Variants in ELAPOR2 observed in about 807,000 individuals in gnomAD.
ELAPOR2 encodes the protein endosome/lysosome-associated apoptosis and autophagy regulator family member 2.
Under a neutral mutation model 120.7 loss-of-function variants are expected in ELAPOR2, and 89 were observed. The ratio of observed to expected loss-of-function variants is 0.74; its 90% CI spans 0.62 to 0.88. ELAPOR2 has a LOEUF of 0.88. Among genes scored for constraint, ELAPOR2 ranks in the 40% least tolerant of loss-of-function variants. The probability of loss-of-function intolerance (pLI) is 0.00; values close to 1 mark genes in which losing one functional copy is unlikely to be tolerated. For missense variants in ELAPOR2, 1,134 were observed against 1,251.6 expected, an observed-to-expected ratio of 0.91 and a Z score of 1.42; for synonymous variants, 444 against 444.9, an observed-to-expected ratio of 1.00 and a Z score of 0.03.
chr7:87,003,523 G>T (rs1301171317), intron 1 of ELAPOR2, among the ~76,000 whole-genome samples: 2 of 152,152 alleles, frequency 1.3e-5, no homozygotes, highest in Non-Finnish European at 2.9e-5. Flanking sequence ...TGCTGGCCAT[G>T]TGAAGATGTG....
chr7:86,951,400 AAG>A (rs1274036581), intron 2 of ELAPOR2, among the ~76,000 whole-genome samples: 1 of 152,264 alleles, frequency 6.6e-6, no homozygotes, highest in Non-Finnish European at 1.5e-5. Context: ...AAATATAAAA[AAG>A]AGAAGAATTG....
intron 1 of ELAPOR2, among the ~76,000 whole-genome samples, chr7:87,054,297 G>C (rs971274318): frequency 6.6e-6 from 1 of 152,178 alleles, no homozygotes; most frequent in African/African-American, 2.4e-5. Flanking sequence ...ACTATGCTCT[G>C]CTATTTCCAT....
intron 18 of ELAPOR2, among the ~76,000 whole-genome samples, chr7:86,900,222 T>C (rs1412713785): frequency 1.3e-5 from 2 of 151,240 alleles, no homozygotes; most frequent in African/African-American, 4.9e-5. Flanking sequence ...AAAAATGAAC[T>C]CAATAAATGA....
At position 86,934,686 on chromosome 7, in the gene ELAPOR2, T is replaced by C. The variant is rs183670277; in HGVS notation, c.1089+3440A>G. ...GCAAACTTTTACCCAACCCCAAGGC[T>C]TTAATTGCCAGCTATTTGCTATAAT... is the stretch of plus-strand genomic sequence containing the variant. On this transcript the variant is annotated intron_variant, in intron 8 of 21. Transcript: ENST00000450689. 5.9e-5 allele frequency among the ~76,000 whole-genome samples: 9 copies of C among 152,022 alleles called. No individual in the cohort carries two copies. The East Asian group carries it at 1.7e-3, about 29-fold the overall frequency.
At chr7:86,880,851 G>A (rs1173318329) in intron 21 of ELAPOR2, among the ~76,000 whole-genome samples, 1 of 151,588 alleles carries the variant, frequency 6.6e-6, no homozygotes, top group Non-Finnish European at 1.5e-5. Context: ...TACCTGACCT[G>A]AGTGCTGAAA....
At chr7:86,990,077 T>C (rs1635032) in intron 1 of ELAPOR2, among the ~76,000 whole-genome samples, 57,252 of 151,452 alleles carry the variant, frequency 0.38, 11,664 homozygotes, top group African/African-American at 0.53. Context: ...GACAGAGTCT[T>C]GCTCTGTCCC....
intron 6 of ELAPOR2, 97 bp downstream of exon 6, chr7:86,939,910 TCTA>T: frequency 1.6e-6 from 1 of 616,698 alleles, no homozygotes; most frequent in Non-Finnish European, 2.7e-6. Flanking sequence ...TAATTTCTGT[TCTA>T]TAAATCTTTG....
At chr7:86,939,531 T>C (rs1188047527) in intron 6 of ELAPOR2, among the ~76,000 whole-genome samples, 5 of 152,096 alleles carry the variant, frequency 3.3e-5, no homozygotes, top group Admixed American at 2.6e-4. Flanking sequence ...GAATGAACCA[T>C]GCCAGGGTTC....
At chr7:86,939,597 G>A (rs537968368) in intron 6 of ELAPOR2, among the ~76,000 whole-genome samples, 21 of 152,218 alleles carry the variant, frequency 1.4e-4, no homozygotes, top group African/African-American at 5.1e-4. Context: ...AGCATAAAAG[G>A]TTTAGGAAAG....
At chr7:86,911,169 C>T (rs1789291047) in intron 15 of ELAPOR2, among the ~76,000 whole-genome samples, 1 of 152,126 alleles carries the variant, frequency 6.6e-6, no homozygotes, top group Admixed American at 6.6e-5. Context: ...ATCTTATTCA[C>T]TGCTTCCCAC....
chr7:86,894,553 TA>T (rs1175535741), intron 19 of ELAPOR2, among the ~76,000 whole-genome samples: 3 of 150,968 alleles, frequency 2.0e-5, no homozygotes, highest in South Asian at 4.2e-4. Flanking sequence ...ACTTCAAAAT[TA>T]AAAAAAAATA....
At position 86,913,152 on chromosome 7, in the gene ELAPOR2, T is replaced by C; in HGVS notation, c.1784A>G (p.Asn595Ser). 6.2e-7 allele frequency: 1 copy of C among 1,613,990 alleles called. No homozygotes were observed. Among genetic ancestry groups the C allele is most frequent in the South Asian group, 1.1e-5 (1 of 91,078 alleles). ...TGAGGACGCCACCCCATCAACTGCA[T>C]TAGTGGCTGTGATAGAATAAATCTT... ...MVKIYSITAT[N>S]AVDGVASSCR... Residue 595 changes from asparagine (N) to serine (S), a missense_variant, in exon 14 of 22, where the codon AAT (asparagine) becomes AGT (serine). By Grantham distance (46) the Asn-to-Ser change is conservative. Around this residue, in one of 3 missense-constraint regions of ELAPOR2, gnomAD observed 831 missense variants for 867.6 expected, o/e 0.96. Transcript: ENST00000450689.
intron 1 of ELAPOR2, among the ~76,000 whole-genome samples, chr7:87,021,884 A>G (rs1794051230): frequency 6.6e-6 from 1 of 152,182 alleles, no homozygotes; most frequent in Non-Finnish European, 1.5e-5. Flanking sequence ...TTTTAAATGT[A>G]CAGATTAAAA....
At chr7:86,991,056 T>C (rs1413457916) in intron 1 of ELAPOR2, among the ~76,000 whole-genome samples, 3 of 152,222 alleles carry the variant, frequency 2.0e-5, no homozygotes, top group African/African-American at 7.2e-5. Context: ...TGTTTATTAA[T>C]CTATCATTGT....
rs1451892750 is a variant in ELAPOR2, at chr7:86,909,973, T to C, written c.2198A>G (p.Asn733Ser). 5 of 1,612,028 alleles carry C rather than the reference T, an allele frequency of 3.1e-6. No individual in the cohort carries two copies. The highest frequency in any genetic ancestry group is 3.3e-5 in the Admixed American group (2 of 59,794). ...EGKKMALCTN[N>S]ITDFTVKEIV... ...TTCTTTTACTGTAAAGTCTGTTATATTGTTGGTACAGAGAGCCATCTTCTT... is the reference window on the plus strand; with the variant it reads ...TTCTTTTACTGTAAAGTCTGTTATACTGTTGGTACAGAGAGCCATCTTCTT... Residue 733 changes from asparagine (N) to serine (S), a missense_variant, in exon 16 of 22, where the codon AAT (asparagine) becomes AGT (serine). Coordinates refer to ENST00000450689, the MANE Select transcript of ELAPOR2 (RefSeq NM_001142749.3).
At chr7:87,053,665 G>A (rs993598901) in intron 1 of ELAPOR2, among the ~76,000 whole-genome samples, 1 of 152,172 alleles carries the variant, frequency 6.6e-6, no homozygotes, top group African/African-American at 2.4e-5. Context: ...ATGTGTCAGA[G>A]AGTAAACAAT....
chr7:87,016,679 A>T (rs971205294), intron 1 of ELAPOR2, among the ~76,000 whole-genome samples: 1 of 148,282 alleles, frequency 6.7e-6, no homozygotes, highest in Non-Finnish European at 1.5e-5. Context: ...ATATATATAT[A>T]ATATATAATA....
At chr7:86,905,158 AAG>A (rs751244019) in intron 18 of ELAPOR2, among the ~76,000 whole-genome samples, 9 of 149,224 alleles carry the variant, frequency 6.0e-5, no homozygotes, top group East Asian at 4.0e-4. Context: ...AGAAGAGAGA[AAG>A]AGAGAAAGAA....
chr7:87,032,247 C>T (rs979420755), intron 1 of ELAPOR2, among the ~76,000 whole-genome samples: 2 of 152,092 alleles, frequency 1.3e-5, no homozygotes, highest in African/African-American at 4.8e-5. Context: ...TATAAAATGT[C>T]TGAATATCAC....
Sources: gnomAD v4.1 joint callset for allele counts (sites outside exome capture counted in the v4.1 genomes callset) on GRCh38, gnomAD v4.1.1 for gene constraint, gnomAD v4.1.1 regional missense constraint, MANE v1.5 for transcripts, NCBI Gene and HGNC (gene_info 2026-07-23, HGNC 2026-07-21) for gene names.